The following AATK variants were observed in gnomAD, a reference collection of about 807,000 sequenced individuals.
AATK encodes lemur tail kinase 1, also known as serine/threonine-protein kinase LMTK1.
A neutral mutation model predicts 114.3 loss-of-function variants in AATK; 91 were observed. The ratio of observed to expected loss-of-function variants is 0.80; its 90% CI spans 0.67 to 0.95. The LOEUF (loss-of-function observed/expected upper bound fraction) is 0.95. Among genes scored for constraint, AATK ranks in the 40% least tolerant of loss-of-function variants. AATK has a pLI of 0.00. For missense variants in AATK, 2,176 were observed against 1,965.2 expected (o/e 1.11, Z -2.03); for synonymous variants, 1,075 against 916.5 (o/e 1.17, Z -3.12).
intron 7 of AATK, chr17:81,125,289 G>A (rs765285513): frequency 1.3e-6 from 1 of 751,714 alleles, no homozygotes; most frequent in South Asian, 1.4e-5. Context: ...AGGAGAATGG[G>A]GCCTAGAGAG....
At chr17:81,165,649 G>A (rs1342608094) in intron 1 of AATK, 2 of 1,485,726 alleles carry the variant, frequency 1.3e-6, no homozygotes, top group African/African-American at 1.4e-5. Context: ...CTGGACACCA[G>A]GGGCCCACGC....
intron 4 of AATK, 100 bp from the exon 5 acceptor site, chr17:81,128,010 C>G: frequency 1.4e-6 from 2 of 1,417,808 alleles, no homozygotes; most frequent in South Asian, 2.7e-5. Context: ...GCCCCCAGGA[C>G]AGGACACTTC....
In AATK at chr17:81,119,459, C is replaced by T. The variant is rs368584352; in HGVS notation, c.4005G>A (p.Ser1335=). ...TGGGCGCGGGCGACACCGTGAAGCG[C>T]GAGAAGGGAGCGGGCGTGGGCGTGG... ...AAPTPTPAPF[S]RFTVSPAPTS... Residue 1335 remains serine (S), a synonymous_variant, in exon 13 of 14, where the codon TCG becomes TCA. Transcript: ENST00000326724. 4 of 1,510,862 alleles carry T rather than the reference C, an allele frequency of 2.6e-6. No homozygotes were observed. The highest frequency in any genetic ancestry group is 1.5e-5 in the African/African-American group (1 of 67,808). The allele number at this position is 1,510,862 out of a possible 1,614,324, so 93.6% of individuals were successfully genotyped here.
chr17:81,119,357 C>G (rs535302575), intron 13 of AATK, 23 bp downstream of exon 13: 1 of 1,553,528 alleles, frequency 6.4e-7, no homozygotes. Context: ...TGCCCTTCTG[C>G]CACAGCCCCG....
At chr17:81,145,539 C>T (rs1480205882) in intron 1 of AATK, among the ~76,000 whole-genome samples, 1 of 151,802 alleles carries the variant, frequency 6.6e-6, no homozygotes. Flanking sequence ...TTGAGGCCAG[C>T]CTGACCAATA....
Position 81,120,885 on chromosome 17 carries a change from CCCG to C in AATK, c.3048_3050del (p.Gly1017del). The C allele has an allele frequency of 1.3e-6, 2 of 1,582,954 alleles. No individual in the cohort carries two copies. Among genetic ancestry groups the C allele is most frequent in the East Asian group, 4.6e-5 (2 of 43,082 alleles). ...CCAGCTCTGGCCCGGGGGCTCGGTC[CCCG>C]CCGCACTTCTTCTCTGGGCCTGAGG... On this transcript the variant is annotated inframe_deletion, in exon 11 of 14. Transcript: ENST00000326724.
At chr17:81,145,790 C>T (rs1344270870) in intron 1 of AATK, among the ~76,000 whole-genome samples, 1 of 146,438 alleles carries the variant, frequency 6.8e-6, no homozygotes, top group Non-Finnish European at 1.5e-5. Context: ...TAAAGGCACA[C>T]AGCGAACCGA....
intron 1 of AATK, among the ~76,000 whole-genome samples, chr17:81,140,031 TTTAGAGATGGGGTCTGTG>T (rs1163719642): frequency 6.6e-6 from 1 of 152,070 alleles, no homozygotes; most frequent in East Asian, 1.9e-4. Flanking sequence ...TTCTTTTTGT[TTTAGAGATGGGGTCTGTG>T]TTGTCCAGAT....
intron 1 of AATK, chr17:81,165,718 C>T (rs1355928912): frequency 2.6e-6 from 4 of 1,521,504 alleles, no homozygotes; most frequent in Non-Finnish European, 3.5e-6. Context: ...CACGACCACG[C>T]GGGGGACGCC....
chr17:81,132,969 AC>A lies in AATK; in HGVS notation c.189+1398del, dbSNP rs2146331311. 1.4e-5 allele frequency: 4 copies of A among 292,074 alleles called. 1 individual carries two copies. In the East Asian group the frequency reaches 5.0e-4, roughly 36 times the overall value. The allele number at this position is 292,074 out of a possible 1,614,324, so 18.1% of individuals were successfully genotyped here. ...GAGGGGCCACTTATACAATAGCCCC[AC>A]TCGTCCCACCCAGGCCCCACCTCCA... On this transcript the variant is annotated intron_variant, in intron 2 of 13. Coordinates refer to ENST00000326724, the MANE Select transcript of AATK (RefSeq NM_001080395.3).
At chr17:81,151,046 G>A (rs1029368956) in intron 1 of AATK, among the ~76,000 whole-genome samples, 3 of 152,162 alleles carry the variant, frequency 2.0e-5, no homozygotes, top group Admixed American at 2.0e-4. Context: ...GGGTTCCTGG[G>A]ACAGGAGAAG....
intron 3 of AATK, 142 bp downstream of exon 3, chr17:81,130,919 A>T (rs1389543871): frequency 9.4e-7 from 1 of 1,059,296 alleles, no homozygotes. Context: ...AGGGCTGCAC[A>T]CTGCGTCTAC....
chr17:81,163,506 G>A (rs1275958340), intron 1 of AATK, among the ~76,000 whole-genome samples: 1 of 152,236 alleles, frequency 6.6e-6, no homozygotes, highest in Non-Finnish European at 1.5e-5. Flanking sequence ...GAGGCTGGGT[G>A]AGTAGTCCGA....
intron 8 of AATK, 26 bp from the exon 9 acceptor site, chr17:81,124,874 C>T (rs1206579519): frequency 6.3e-7 from 1 of 1,587,054 alleles, no homozygotes; most frequent in Admixed American, 1.8e-5. Context: ...CGGGTCACCC[C>T]TGCCGGCGCA....
chr17:81,136,681 GACTC>G (rs1249101919), intron 1 of AATK, among the ~76,000 whole-genome samples: 9 of 152,234 alleles, frequency 5.9e-5, no homozygotes, highest in African/African-American at 2.2e-4. Context: ...ACCACGTGCT[GACTC>G]AGTGGAGGGC....
At chr17:81,148,280 G>A (rs2061248922) in intron 1 of AATK, among the ~76,000 whole-genome samples, 2 of 152,198 alleles carry the variant, frequency 1.3e-5, no homozygotes, top group Non-Finnish European at 2.9e-5. Context: ...CCCTTACAGA[G>A]CCGCGCTGGA....
chr17:81,142,882 C>T (rs541963140), intron 1 of AATK, among the ~76,000 whole-genome samples: 83 of 152,312 alleles, frequency 5.4e-4, no homozygotes, highest in African/African-American at 1.8e-3. Context: ...GTGACCCTCA[C>T]GCCCACCAGG....
intron 2 of AATK, chr17:81,131,804 G>A (rs1340423602): frequency 1.1e-5 from 14 of 1,274,648 alleles, no homozygotes; most frequent in African/African-American, 7.6e-5. Context: ...TCCTGTGGGA[G>A]AAGCAATTAA....
At chr17:81,137,424 G>A (rs1008831305) in intron 1 of AATK, among the ~76,000 whole-genome samples, 2 of 152,048 alleles carry the variant, frequency 1.3e-5, no homozygotes, top group South Asian at 2.1e-4. Context: ...TCTCTCGGCC[G>A]CAGGCTGATG....
Sources: gnomAD v4.1 joint callset for allele counts (sites outside exome capture counted in the v4.1 genomes callset) on GRCh38, gnomAD v4.1.1 for gene constraint, MANE v1.5 for transcripts, NCBI Gene and HGNC (gene_info 2026-07-23, HGNC 2026-07-21) for gene names.